CORO6: variants seen among roughly 807,000 people sequenced by gnomAD.
CORO6 encodes coronin-6.
CORO6 carries 43 observed loss-of-function variants against 49.0 expected under a neutral mutation model. That is an observed-to-expected ratio of 0.88 (90% CI 0.69 to 1.13). CORO6 has a LOEUF of 1.13. CORO6 is among the 50% of genes most tolerant of loss of function. CORO6 has a pLI of 0.00. For synonymous variants in CORO6, 233 were observed against 256.5 expected (o/e 0.91, Z 0.88); for missense variants, 650 against 647.0 (o/e 1.00, Z -0.05).
At chr17:29,620,566 G>A (rs911124645) in intron 2 of CORO6, among the ~76,000 whole-genome samples, 5 of 152,190 alleles carry the variant, frequency 3.3e-5, no homozygotes, top group African/African-American at 1.2e-4. Context: ...CAGAATCCAG[G>A]TCAAGGTCAT....
intron 1 of CORO6, 101 bp downstream of exon 1, chr17:29,622,587 G>T: frequency 3.0e-6 from 2 of 665,092 alleles, no homozygotes; most frequent in Non-Finnish European, 4.1e-6. Context: ...GCCCGAAACC[G>T]AATTTGGCGG....
At position 29,622,859 on chromosome 17, in the gene CORO6, T is replaced by C. The variant is rs1260890104; in HGVS notation, c.-235A>G. On this transcript the variant is annotated 5_prime_UTR_variant, in exon 1 of 11. Coordinates refer to ENST00000388767, the MANE Select transcript of CORO6 (RefSeq NM_032854.4). The stretch of plus-strand genomic sequence containing the variant: ...CACTCTGGCCGATCCTGCGGCTCTC[T>C]AGAGCCCGGCGCCGCTGCAGCCCCA... 1 of 1,299,854 alleles carries C rather than the reference T, an allele frequency of 7.7e-7. No homozygotes were observed. The highest frequency in any genetic ancestry group is 1.5e-5 in the African/African-American group (1 of 65,514). 80.5% of individuals were successfully genotyped at this position (1,299,854 alleles called of 1,614,324 possible). A position where few individuals can be genotyped will look rare whatever the true frequency, so the allele number is the denominator to read the frequency against.
chr17:29,619,687 G>T lies in CORO6; in HGVS notation c.285C>A (p.Asn95Lys), dbSNP rs758461627. The change falls in exon 3 of 11, where the codon AAC becomes AAA. Residue 95 changes from asparagine (N) to lysine (K), a missense_variant. Physicochemically the swap from Asn to Lys is moderately conservative, Grantham distance 94. Transcript: ENST00000388767. The part of the protein sequence containing the change: ...LDIDWCPHND[N>K]VIASASDDTT... Reference sequence around the variant, plus strand: ...TGTCGTCTGAGGCACTGGCGATAACGTTGTCATTGTGTGGACACCAGTCAA... The same window carrying T: ...TGTCGTCTGAGGCACTGGCGATAACTTTGTCATTGTGTGGACACCAGTCAA... 2 of 1,613,618 alleles carry T rather than the reference G, an allele frequency of 1.2e-6. No individual in the cohort carries two copies. Among genetic ancestry groups the T allele is most frequent in the Non-Finnish European group, 1.7e-6 (2 of 1,179,648 alleles).
Position 29,615,020 on chromosome 17 carries a change from TGAGA to T in CORO6, c.*708_*711del, listed in dbSNP as rs1257488988. The T allele has an allele frequency of 6.6e-6, 1 of 152,310 alleles. No homozygotes were observed. Among genetic ancestry groups the T allele is most frequent in the Non-Finnish European group, 1.5e-5 (1 of 68,088 alleles). The allele number at this position is 152,310 out of a possible 1,614,324, so 9.4% of individuals were successfully genotyped here. On this transcript the variant is annotated 3_prime_UTR_variant, in exon 11 of 11. Transcript: ENST00000388767. The stretch of plus-strand genomic sequence containing the variant: ...TTTCATTCAGTACGTCTTGTTTTTC[TGAGA>T]GAGGCAACGGCAGAGGGTTGGGGGC...
At chr17:29,618,662 T>C in intron 5 of CORO6, 128 bp downstream of exon 5, 1 of 1,430,480 alleles carries the variant, frequency 7.0e-7, no homozygotes, top group Non-Finnish European at 9.2e-7. Flanking sequence ...GGAAGGGGGC[T>C]AGTCTCTGGA....
chr17:29,619,850 T>C (rs1445618417), intron 2 of CORO6, 77 bp from the exon 3 acceptor site: 1 of 1,334,052 alleles, frequency 7.5e-7, no homozygotes, highest in African/African-American at 1.4e-5. Context: ...TCTGCTTACA[T>C]CTCGATTCCT....
At chr17:29,618,094 G>A (rs565737267) in intron 5 of CORO6, 5 of 1,481,704 alleles carry the variant, frequency 3.4e-6, no homozygotes, top group Non-Finnish European at 4.5e-6. Flanking sequence ...GCTGAAGCCG[G>A]TGCTGAGCAG....
chr17:29,616,133 G>A lies in CORO6; in HGVS notation c.1105C>T (p.Pro369Ser). ...TCGTCCGCTTCTAGGGCCGGCTCCG[G>A]GCCTGGCGTATCCGGGTACAGATCG... is the stretch of plus-strand genomic sequence containing the variant. ...QDDLYPDTPG[P>S]EPALEADEWL... The change falls in exon 10 of 11, where the codon CCG (proline) becomes TCG (serine). Residue 369 changes from proline (P) to serine (S), a missense_variant. Transcript: ENST00000388767. The surrounding 1 kb of genome is among the most constrained non-coding windows in gnomAD (Gnocchi z 5.6). The A allele has an allele frequency of 6.2e-7, 1 of 1,613,498 alleles. No homozygotes were observed. Among genetic ancestry groups the A allele is most frequent in the South Asian group, 1.1e-5 (1 of 91,078 alleles).
intron 5 of CORO6, chr17:29,618,020 C>A: frequency 6.8e-7 from 1 of 1,464,692 alleles, no homozygotes; most frequent in Non-Finnish European, 9.0e-7. Context: ...AAGGAGCGAG[C>A]TAGCGCGCCC....
intron 6 of CORO6, 129 bp downstream of exon 6, chr17:29,617,371 G>C: frequency 6.5e-7 from 1 of 1,543,546 alleles, no homozygotes; most frequent in Non-Finnish European, 8.7e-7. Flanking sequence ...GAGAATGGCA[G>C]GCGCTGCAGA....
In CORO6 at chr17:29,619,633, T is replaced by A; in HGVS notation, c.321+18A>T. 6.2e-7 allele frequency: 1 copy of A among 1,611,930 alleles called. No individual in the cohort carries two copies. The highest frequency in any genetic ancestry group is 1.3e-5 in the African/African-American group (1 of 74,982). On this transcript the variant is annotated intron_variant, in intron 3 of 10. Coordinates refer to ENST00000388767, the MANE Select transcript of CORO6 (RefSeq NM_032854.4). ...GCTCCCCTGCTCAACTGCCCAGCAGTAGCCACCTGGCTCCTACCATGATGG... is the reference window on the plus strand; with the variant it reads ...GCTCCCCTGCTCAACTGCCCAGCAGAAGCCACCTGGCTCCTACCATGATGG...
chr17:29,615,711 C>G lies in CORO6; in HGVS notation c.*21G>C. 6.7e-7 allele frequency: 1 copy of G among 1,487,098 alleles called. No individual in the cohort carries two copies. Among genetic ancestry groups the G allele is most frequent in the South Asian group, 1.3e-5 (1 of 75,560 alleles). The allele number at this position is 1,487,098 out of a possible 1,614,324, so 92.1% of individuals were successfully genotyped here. ...CCGAGCTTGTGCGCCCCGCCCCGCT[C>G]CGCCTGCCTGGCGCGCGGGGCTAGT... On this transcript the variant is annotated 3_prime_UTR_variant, in exon 11 of 11. Coordinates refer to ENST00000388767, the MANE Select transcript of CORO6 (RefSeq NM_032854.4).
Position 29,616,079 on chromosome 17 carries a change from C to A in CORO6, c.1159G>T (p.Val387Leu). ...EWLSGQDAEP[V>L]LISLRDGYVP... ...TAGCCGTCCCTCAGCGAAATGAGCA[C>A]GGGTTCGGCGTCCTGGCCGGATAGC... Residue 387 changes from valine to leucine, a missense_variant, in exon 10 of 11, where the codon GTG becomes TTG. Coordinates refer to ENST00000388767, the MANE Select transcript of CORO6 (RefSeq NM_032854.4). This position sits in a 1 kb window ranked among gnomAD's most constrained non-coding sequence, Gnocchi z 5.6. 6.2e-7 allele frequency: 1 copy of A among 1,612,972 alleles called. No individual in the cohort carries two copies. Among genetic ancestry groups the A allele is most frequent in the Admixed American group, 1.7e-5 (1 of 60,024 alleles).
At chr17:29,618,752 T>A (rs748865676) in intron 5 of CORO6, 38 bp downstream of exon 5, 11 of 1,603,892 alleles carry the variant, frequency 6.9e-6, no homozygotes, top group Middle Eastern at 1.8e-4. Flanking sequence ...TGGCCACTGG[T>A]CAAGGGGTTC....
chr17:29,621,092 A>T lies in CORO6; in HGVS notation c.198+132T>A. ...CCCTCTGGTCCTTGAGGGCTTGGGG[A>T]ATAGGGAGGAGCCAATCCACACAGA... On this transcript the variant is annotated intron_variant, in intron 2 of 10. Coordinates refer to ENST00000388767, the MANE Select transcript of CORO6 (RefSeq NM_032854.4). This position sits in a 1 kb window ranked among gnomAD's most constrained non-coding sequence, Gnocchi z 4.2. 1 of 1,216,188 alleles carries T rather than the reference A, an allele frequency of 8.2e-7. No individual in the cohort carries two copies. Among genetic ancestry groups the T allele is most frequent in the Non-Finnish European group, 1.1e-6 (1 of 876,488 alleles). The allele number at this position is 1,216,188 out of a possible 1,614,324, so 75.3% of individuals were successfully genotyped here.
Position 29,621,742 on chromosome 17 carries a change from T to G in CORO6, c.-63-258A>C. On this transcript the variant is annotated intron_variant, in intron 1 of 10. Coordinates refer to ENST00000388767, the MANE Select transcript of CORO6 (RefSeq NM_032854.4). This position sits in a 1 kb window ranked among gnomAD's most constrained non-coding sequence, Gnocchi z 4.2. ...ACTGAAAGCTTTCTGGACGTTGGAA[T>G]GTTTTTGGGAGGAGCCTCAATGCCA... 2.9e-6 allele frequency: 1 copy of G among 345,936 alleles called. No homozygotes were observed. The highest frequency in any genetic ancestry group is 3.4e-5 in the South Asian group (1 of 29,440). 21.4% of individuals were successfully genotyped at this position (345,936 alleles called of 1,614,324 possible).
intron 3 of CORO6, 38 bp from the exon 4 acceptor site, chr17:29,619,227 G>A (rs2035178499): frequency 1.2e-6 from 2 of 1,607,360 alleles, no homozygotes; most frequent in South Asian, 1.1e-5. Flanking sequence ...GGTGGAATGA[G>A]GAGCCACCCT....
chr17:29,615,922 G>C, intron 10 of CORO6, 23 bp downstream of exon 10: 1 of 1,581,176 alleles, frequency 6.3e-7, no homozygotes, highest in Non-Finnish European at 8.6e-7. Flanking sequence ...GATTGGGCCA[G>C]AGTGCAGCAG....
rs991329567 is a variant in CORO6, at chr17:29,615,863, G to A, written c.1294-6C>T. ...GTCTCCAGGGTGTGCTGCTGCTGGG[G>A]CGGAGGACAGAGAGGCCGTGTCGTA... On this transcript the variant is annotated splice_polypyrimidine_tract_variant and splice_region_variant and intron_variant, in intron 10 of 10. Transcript: ENST00000388767. 1 of 1,600,650 alleles carries A rather than the reference G, an allele frequency of 6.2e-7. No homozygotes were observed. The highest frequency in any genetic ancestry group is 1.3e-5 in the African/African-American group (1 of 74,754).
Sources: allele counts gnomAD v4.1 joint callset (sites outside exome capture counted in the v4.1 genomes callset), GRCh38; gene constraint gnomAD v4.1.1; non-coding constraint Gnocchi (gnomAD v3.1); transcripts MANE v1.5; gene names NCBI Gene and HGNC (gene_info 2026-07-23, HGNC 2026-07-21).